WDPCP: variants seen among roughly 807,000 people sequenced by gnomAD.
WDPCP encodes the protein WD repeat-containing and planar cell polarity effector protein fritz homolog.
Under a neutral mutation model 93.1 loss-of-function variants are expected in WDPCP, and 71 were observed. The ratio of observed to expected loss-of-function variants is 0.76; its 90% CI spans 0.63 to 0.93. The LOEUF is 0.93. Among genes scored for constraint, WDPCP ranks in the 40% least tolerant of loss-of-function variants. The pLI is 0.00. For missense variants in WDPCP, 844 were observed against 887.4 expected, an observed-to-expected ratio of 0.95 and a Z score of 0.62; for synonymous variants, 315 against 315.0, an observed-to-expected ratio of 1.00 and a Z score of 0.00.
chr2:63,197,403 T>A (rs1401180512), intron 14 of WDPCP, among the ~76,000 whole-genome samples: 2 of 152,204 alleles, frequency 1.3e-5, no homozygotes, highest in Non-Finnish European at 2.9e-5. Flanking sequence ...TAAGCTTTGG[T>A]AAAGTCAGAA....
At chr2:63,127,858 G>T (rs1273468200) in intron 17 of WDPCP, among the ~76,000 whole-genome samples, 3 of 151,808 alleles carry the variant, frequency 2.0e-5, no homozygotes, top group African/African-American at 7.3e-5. Flanking sequence ...AGATTTCTGT[G>T]GCCTGGCATG....
chr2:63,733,787 T>C (rs1217793873), intron 2 of WDPCP, among the ~76,000 whole-genome samples: 1 of 152,184 alleles, frequency 6.6e-6, no homozygotes, highest in Non-Finnish European at 1.5e-5. Flanking sequence ...ATTCACCCCT[T>C]GAAAGTGTAC....
intron 6 of WDPCP, among the ~76,000 whole-genome samples, chr2:63,459,107 C>T (rs1698831925): frequency 6.6e-6 from 1 of 152,050 alleles, no homozygotes; most frequent in African/African-American, 2.4e-5. Flanking sequence ...TATAAAACTA[C>T]TAGAAATAGT....
intron 1 of WDPCP, among the ~76,000 whole-genome samples, chr2:63,581,773 G>A (rs938128444): frequency 2.6e-5 from 4 of 152,154 alleles, no homozygotes; most frequent in Non-Finnish European, 1.5e-5. Flanking sequence ...TTGGGAGGCT[G>A]AGACGGGTGG....
At chr2:63,667,073 G>A (rs1260110023) in intron 2 of WDPCP, among the ~76,000 whole-genome samples, 1 of 152,174 alleles carries the variant, frequency 6.6e-6, no homozygotes, top group Non-Finnish European at 1.5e-5. Flanking sequence ...TGATTGTAGT[G>A]ACGATTTCAG....
chr2:63,603,680 GAC>G (rs1473146635), intron 3 of WDPCP, among the ~76,000 whole-genome samples: 12 of 107,622 alleles, frequency 1.1e-4, no homozygotes, highest in African/African-American at 4.5e-4. Flanking sequence ...TTTTTTTTGA[GAC>G]AGTCTCGCTG....
intron 2 of WDPCP, among the ~76,000 whole-genome samples, chr2:63,805,369 G>C (rs1386562255): frequency 6.6e-6 from 1 of 152,138 alleles, no homozygotes; most frequent in Non-Finnish European, 1.5e-5. Context: ...TGGAATGAGG[G>C]TTAGGGCTGA....
chr2:63,576,650 T>C (rs1708135625), intron 1 of WDPCP, among the ~76,000 whole-genome samples: 1 of 152,226 alleles, frequency 6.6e-6, no homozygotes, highest in Non-Finnish European at 1.5e-5. Flanking sequence ...CTTCAGCTTC[T>C]AGAGGTTGTG....
chr2:63,817,981 AAATT>A (rs1049319650), intron 1 of WDPCP, among the ~76,000 whole-genome samples: 4 of 152,214 alleles, frequency 2.6e-5, no homozygotes, highest in African/African-American at 4.8e-5. Context: ...ATTTTTAGCA[AAATT>A]AATAGTTCAC....
At chr2:63,469,758 G>A (rs1204341139) in intron 6 of WDPCP, among the ~76,000 whole-genome samples, 1 of 152,136 alleles carries the variant, frequency 6.6e-6, no homozygotes, top group Admixed American at 6.6e-5. Flanking sequence ...ACTCAGCTTA[G>A]TACCAGGATG....
intron 1 of WDPCP, among the ~76,000 whole-genome samples, chr2:63,583,411 ACGGTGGCTCATGC>A (rs1309239389): frequency 6.6e-6 from 1 of 152,178 alleles, no homozygotes; most frequent in Non-Finnish European, 1.5e-5. Context: ...CTGGCAGAGC[ACGGTGGCTCATGC>A]CTGTAATCCA....
intron 2 of WDPCP, among the ~76,000 whole-genome samples, chr2:63,688,305 T>C (rs1387862541): frequency 6.6e-6 from 1 of 151,810 alleles, no homozygotes; most frequent in Non-Finnish European, 1.5e-5. Context: ...TGGGCGCCTG[T>C]AGTCCCAGCT....
At chr2:63,141,477 G>A (rs1183717700) in intron 17 of WDPCP, among the ~76,000 whole-genome samples, 2 of 152,202 alleles carry the variant, frequency 1.3e-5, no homozygotes, top group Admixed American at 6.5e-5. Context: ...CTTGATCATG[G>A]TGGATTATCT....
At chr2:63,806,841 C>T (rs551873122) in intron 2 of WDPCP, among the ~76,000 whole-genome samples, 22 of 152,292 alleles carry the variant, frequency 1.4e-4, no homozygotes, top group South Asian at 4.1e-4. Context: ...CTCTCTTATT[C>T]CCTGAACAAT....
chr2:63,662,898 A>G (rs1710241957), intron 2 of WDPCP, among the ~76,000 whole-genome samples: 1 of 152,222 alleles, frequency 6.6e-6, no homozygotes, highest in Non-Finnish European at 1.5e-5. Context: ...AACAGTAGGT[A>G]GTCAGTAAAG....
chr2:63,393,684 T>C (rs1693475268), intron 10 of WDPCP, among the ~76,000 whole-genome samples: 1 of 151,732 alleles, frequency 6.6e-6, no homozygotes, highest in Admixed American at 6.6e-5. Context: ...TATACCACAA[T>C]GATGCAATGA....
At chr2:63,811,951 C>A (rs1311085958) in intron 2 of WDPCP, among the ~76,000 whole-genome samples, 1 of 152,142 alleles carries the variant, frequency 6.6e-6, no homozygotes, top group Non-Finnish European at 1.5e-5. Context: ...GCAGCCTCAA[C>A]CTCTCTGGGC....
intron 2 of WDPCP, among the ~76,000 whole-genome samples, chr2:63,785,577 T>G (rs1323687867): frequency 1.3e-5 from 2 of 152,196 alleles, no homozygotes; most frequent in Non-Finnish European, 2.9e-5. Flanking sequence ...AGGAAAGGTT[T>G]AGGAAATATG....
At chr2:63,373,016 C>CA in intron 12 of WDPCP, among the ~76,000 whole-genome samples, 1 of 151,822 alleles carries the variant, frequency 6.6e-6, no homozygotes, top group Non-Finnish European at 1.5e-5. Context: ...CTAGCTACCT[C>CA]GGAGGATGAG....
Sources: allele counts gnomAD v4.1 joint callset (sites outside exome capture counted in the v4.1 genomes callset), GRCh38; gene constraint gnomAD v4.1.1; transcripts MANE v1.5; gene names NCBI Gene and HGNC (gene_info 2026-07-23, HGNC 2026-07-21).